AKAP19: variants seen among roughly 807,000 people sequenced by gnomAD.
The protein encoded by AKAP19 is A-kinase anchoring protein 19.
At chr2:190,100,298 T>C in the AKAP19 span, among the ~76,000 whole-genome samples, 2 of 152,170 alleles carry the variant, frequency 1.3e-5, no homozygotes, top group African/African-American at 2.4e-5. Context: ...TCTGAAATCA[T>C]GCTGACTATG....
chr2:189,979,673 C>T, the AKAP19 span, among the ~76,000 whole-genome samples: 1 of 152,026 alleles, frequency 6.6e-6, no homozygotes, highest in African/African-American at 2.4e-5. Flanking sequence ...AAACTATACA[C>T]TTGACATAGG....
chr2:190,200,016 AG>A, the AKAP19 span: 1 of 1,614,076 alleles, frequency 6.2e-7, no homozygotes, highest in Non-Finnish European at 8.5e-7. Flanking sequence ...AGGAACCTCC[AG>A]GGACCAATAC....
the AKAP19 span, among the ~76,000 whole-genome samples, chr2:189,971,911 A>T: frequency 0.049 from 7,375 of 150,870 alleles, 273 homozygotes; most frequent in Non-Finnish European, 0.068. Context: ...GATTGCAAAA[A>T]TTTTCTCCCA....
the AKAP19 span, among the ~76,000 whole-genome samples, chr2:190,050,860 T>A: frequency 6.6e-6 from 1 of 152,168 alleles, no homozygotes; most frequent in Non-Finnish European, 1.5e-5. Flanking sequence ...ATGTAAGGAA[T>A]TAGAGATATT....
the AKAP19 span, among the ~76,000 whole-genome samples, chr2:190,141,813 G>A: frequency 6.6e-6 from 1 of 152,204 alleles, no homozygotes. Flanking sequence ...CCCGGTTTTT[G>A]AGAGAAGCTT....
At chr2:190,017,081 C>T in the AKAP19 span, among the ~76,000 whole-genome samples, 1 of 152,038 alleles carries the variant, frequency 6.6e-6, no homozygotes, top group Non-Finnish European at 1.5e-5. Flanking sequence ...TCTGTTTTAT[C>T]TGGTATAAGT....
chr2:190,097,731 G>A, the AKAP19 span, among the ~76,000 whole-genome samples: 1 of 151,588 alleles, frequency 6.6e-6, no homozygotes, highest in African/African-American at 2.4e-5. Context: ...ATTCATAAGG[G>A]GCAAGTCCTC....
the AKAP19 span, among the ~76,000 whole-genome samples, chr2:190,091,547 A>AACACAC: frequency 1.2e-4 from 18 of 150,506 alleles, no homozygotes; most frequent in African/African-American, 2.0e-4. Flanking sequence ...TCTTTTGTTA[A>AACACAC]ACACACACAC....
the AKAP19 span, among the ~76,000 whole-genome samples, chr2:190,187,603 T>A: frequency 2.0e-5 from 3 of 152,122 alleles, no homozygotes; most frequent in Admixed American, 6.5e-5. Context: ...CTCACACCTA[T>A]CATCCCAGCA....
the AKAP19 span, chr2:190,200,069 T>G: frequency 1.2e-6 from 2 of 1,614,068 alleles, no homozygotes. Flanking sequence ...CAGGATATCT[T>G]GTGTGATGCC....
the AKAP19 span, among the ~76,000 whole-genome samples, chr2:190,034,164 G>T: frequency 6.6e-6 from 1 of 151,818 alleles, no homozygotes; most frequent in Non-Finnish European, 1.5e-5. Flanking sequence ...AGTAAACAAA[G>T]ATGTTTATCA....
At chr2:190,085,647 A>G in the AKAP19 span, among the ~76,000 whole-genome samples, 4 of 152,344 alleles carry the variant, frequency 2.6e-5, no homozygotes, top group Admixed American at 6.5e-5. Flanking sequence ...ACAACTTATC[A>G]CATAGTATGA....
the AKAP19 span, among the ~76,000 whole-genome samples, chr2:189,927,922 T>C: frequency 6.6e-6 from 1 of 152,172 alleles, no homozygotes; most frequent in African/African-American, 2.4e-5. Flanking sequence ...TTGCAGAAAG[T>C]TGTATTTGTA....
At chr2:189,906,265 A>G in the AKAP19 span, among the ~76,000 whole-genome samples, 1 of 152,158 alleles carries the variant, frequency 6.6e-6, no homozygotes, top group Non-Finnish European at 1.5e-5. Flanking sequence ...CTTAACTTTT[A>G]CAAATACAAA....
chr2:190,053,978 A>C, the AKAP19 span, among the ~76,000 whole-genome samples: 1 of 152,094 alleles, frequency 6.6e-6, no homozygotes, highest in Admixed American at 6.6e-5. Flanking sequence ...ATTTTTATAT[A>C]TGTTATTGCA....
At chr2:190,060,107 A>T in the AKAP19 span, 1 of 1,612,574 alleles carries the variant, frequency 6.2e-7, no homozygotes, top group Non-Finnish European at 8.5e-7. Flanking sequence ...CAAGATCATG[A>T]CCATTCTCAT....
the AKAP19 span, among the ~76,000 whole-genome samples, chr2:190,124,767 C>T: frequency 6.6e-6 from 1 of 152,116 alleles, no homozygotes; most frequent in African/African-American, 2.4e-5. Flanking sequence ...TTTTTCTACC[C>T]TTTTGTAATA....
chr2:190,038,908 T>TTCTTCTTCTTCTTCTTCG, the AKAP19 span, among the ~76,000 whole-genome samples: 1 of 74,004 alleles, frequency 1.4e-5, no homozygotes, highest in East Asian at 2.7e-4. Flanking sequence ...TTCTTTCTTC[T>TTCTTCTTCTTCTTCTTCG]TCTTCTTCTT....
At chr2:190,012,916 G>A in the AKAP19 span, among the ~76,000 whole-genome samples, 1 of 152,102 alleles carries the variant, frequency 6.6e-6, no homozygotes, top group Non-Finnish European at 1.5e-5. Context: ...TACATTTGTA[G>A]ATTTATGTAT....
Sources: gnomAD v4.1 joint callset for allele counts (sites outside exome capture counted in the v4.1 genomes callset) on GRCh38, gnomAD v4.1.1 for gene constraint, MANE v1.5 for transcripts, NCBI Gene and HGNC (gene_info 2026-07-23, HGNC 2026-07-21) for gene names.